Variants in SYN3 observed in about 807,000 individuals in gnomAD.
SYN3 encodes the protein synapsin III.
SYN3 carries 35 observed loss-of-function variants against 65.8 expected under a neutral mutation model. That is an observed-to-expected ratio of 0.53 (90% CI 0.41 to 0.70). The LOEUF (loss-of-function observed/expected upper bound fraction) is 0.70, where lower values mean the gene tolerates loss of function less well. Ranked by LOEUF, SYN3 falls within the 30% of genes least tolerant of loss-of-function variation. The pLI is 0.00. For missense variants in SYN3, 680 were observed against 749.0 expected (o/e 0.91, Z 1.08); for synonymous variants, 270 against 292.9 (o/e 0.92, Z 0.80).
Position 32,528,943 on chromosome 22 carries a change from G to A in SYN3, c.1161C>T (p.Asp387=), listed in dbSNP as rs775427917. The change falls in exon 11 of 14, where the codon GAC becomes GAT. Residue 387 remains aspartate (D), a synonymous_variant. Coordinates refer to ENST00000358763, the MANE Select transcript of SYN3 (RefSeq NM_003490.4). The stretch of plus-strand genomic sequence containing the variant: ...GCTGGCTCATTTTGGAGACAACAAG[G>A]TCGGCCATCAGCTGTCTGTCCTCTT... ...HVEEDRQLMA[D]LVVSKMSQLP... 3.1e-6 allele frequency: 5 copies of A among 1,614,104 alleles called. No homozygotes were observed. The highest frequency in any genetic ancestry group is 4.2e-6 in the Non-Finnish European group (5 of 1,180,026).
At chr22:32,754,800 G>A (rs2045245478) in intron 6 of SYN3, among the ~76,000 whole-genome samples, 1 of 152,252 alleles carries the variant, frequency 6.6e-6, no homozygotes, top group South Asian at 2.1e-4. Context: ...CTTGTCCAAA[G>A]TCTCCAGATT....
At chr22:32,990,387 C>G (rs12167731) in intron 2 of SYN3, among the ~76,000 whole-genome samples, 6 of 137,938 alleles carry the variant, frequency 4.3e-5, no homozygotes, top group African/African-American at 1.7e-4. Flanking sequence ...CATCCATCCA[C>G]CCATCCATCC....
At chr22:32,920,051 T>G (rs1197791402) in intron 4 of SYN3, among the ~76,000 whole-genome samples, 2 of 152,226 alleles carry the variant, frequency 1.3e-5, no homozygotes. Context: ...GAGACTCTGA[T>G]GCCTTTCGTC....
chr22:32,532,479 G>A (rs926408015), intron 10 of SYN3, among the ~76,000 whole-genome samples: 4 of 152,296 alleles, frequency 2.6e-5, no homozygotes, highest in East Asian at 3.8e-4. Flanking sequence ...GAGGGAAGGC[G>A]TTTCCGGGCC....
chr22:32,741,598 G>A (rs960732109), intron 6 of SYN3, among the ~76,000 whole-genome samples: 15 of 151,746 alleles, frequency 9.9e-5, no homozygotes, highest in African/African-American at 2.4e-4. Context: ...CTCGTGATCC[G>A]CCTGCCTCGG....
At position 32,508,127 on chromosome 22, in the gene SYN3, C is replaced by T. The variant is rs150944455; in HGVS notation, c.*5565G>A. On this transcript the variant is annotated 3_prime_UTR_variant, in exon 14 of 14. Coordinates refer to ENST00000358763, the MANE Select transcript of SYN3 (RefSeq NM_003490.4). Reference sequence around the variant, plus strand: ...GCATCCCCTGTGACTTGCGCGTATACGCCCAGATGGCCTGAAGTAACTGAA... The same window carrying T: ...GCATCCCCTGTGACTTGCGCGTATATGCCCAGATGGCCTGAAGTAACTGAA... Among the ~76,000 whole-genome samples the T allele has an allele frequency of 2.3e-3, 343 of 152,304 alleles. 5 individuals are homozygous for T. The East Asian group carries it at 0.049, about 22-fold the overall frequency.
intron 3 of SYN3, among the ~76,000 whole-genome samples, chr22:32,935,285 T>TC (rs2050739576): frequency 1.4e-5 from 2 of 144,702 alleles, no homozygotes; most frequent in African/African-American, 2.6e-5. Context: ...CTCTCTCTCT[T>TC]TCTCTCTCTC....
intron 2 of SYN3, among the ~76,000 whole-genome samples, chr22:33,001,876 C>G (rs527738271): frequency 1.3e-5 from 2 of 152,314 alleles, no homozygotes; most frequent in Non-Finnish European, 2.9e-5. Flanking sequence ...TTGCACCATA[C>G]TGCCATTTAT....
chr22:32,988,722 A>G (rs1450735658), intron 2 of SYN3, among the ~76,000 whole-genome samples: 2 of 152,034 alleles, frequency 1.3e-5, no homozygotes. Flanking sequence ...CATCCATCCA[A>G]TGTTTGGTAC....
intron 6 of SYN3, among the ~76,000 whole-genome samples, chr22:32,831,137 C>T (rs545856750): frequency 7.2e-5 from 11 of 152,268 alleles, no homozygotes; most frequent in South Asian, 4.1e-4. Flanking sequence ...AAGGTGGCAG[C>T]GTGACCCTTA....
intron 6 of SYN3, among the ~76,000 whole-genome samples, chr22:32,722,328 A>C (rs969654605): frequency 3.3e-5 from 5 of 152,282 alleles, no homozygotes; most frequent in East Asian, 3.9e-4. Flanking sequence ...ATGGTGTACC[A>C]AGGTGGAGAA....
intron 7 of SYN3, among the ~76,000 whole-genome samples, chr22:32,562,569 G>A (rs1343455572): frequency 6.6e-6 from 1 of 152,174 alleles, no homozygotes; most frequent in Non-Finnish European, 1.5e-5. Flanking sequence ...TTCACGGGGA[G>A]TGCCCGACAG....
intron 7 of SYN3, among the ~76,000 whole-genome samples, chr22:32,553,843 T>TC (rs2058451266): frequency 6.6e-6 from 1 of 152,174 alleles, no homozygotes; most frequent in Non-Finnish European, 1.5e-5. Context: ...CCAGAGTTTA[T>TC]CCAGGCTCAG....
At chr22:32,606,059 T>C (rs2059367711) in intron 6 of SYN3, among the ~76,000 whole-genome samples, 1 of 152,172 alleles carries the variant, frequency 6.6e-6, no homozygotes, top group African/African-American at 2.4e-5. Flanking sequence ...CAAATGAACT[T>C]AGAGGATGCC....
chr22:32,618,446 C>T (rs2059550482), intron 6 of SYN3, among the ~76,000 whole-genome samples: 1 of 152,198 alleles, frequency 6.6e-6, no homozygotes, highest in African/African-American at 2.4e-5. Flanking sequence ...CTCCACATCT[C>T]TCTTGGCTCC....
intron 6 of SYN3, among the ~76,000 whole-genome samples, chr22:32,858,849 C>T (rs1312373182): frequency 1.3e-5 from 2 of 152,128 alleles, no homozygotes; most frequent in African/African-American, 4.8e-5. Context: ...TTCCCTAAAA[C>T]AACTGAGATC....
At chr22:32,787,904 G>A (rs1356545617) in intron 6 of SYN3, among the ~76,000 whole-genome samples, 1 of 152,124 alleles carries the variant, frequency 6.6e-6, no homozygotes, top group Admixed American at 6.5e-5. Flanking sequence ...GGGAGGGTCA[G>A]GGCAGTCCTG....
chr22:32,616,346 C>T (rs909739182), intron 6 of SYN3, among the ~76,000 whole-genome samples: 7 of 152,160 alleles, frequency 4.6e-5, no homozygotes, highest in African/African-American at 1.4e-4. Context: ...GGCCCAAACA[C>T]GACTAGGGCC....
intron 6 of SYN3, among the ~76,000 whole-genome samples, chr22:32,624,070 A>G (rs1042226713): frequency 2.0e-5 from 3 of 152,206 alleles, no homozygotes; most frequent in African/African-American, 7.2e-5. Flanking sequence ...GCCCTTGCCA[A>G]GATCAACTGT....
Sources: allele counts gnomAD v4.1 joint callset (sites outside exome capture counted in the v4.1 genomes callset), GRCh38; gene constraint gnomAD v4.1.1; transcripts MANE v1.5; gene names NCBI Gene and HGNC (gene_info 2026-07-23, HGNC 2026-07-21).